The following CALD1 variants were observed in gnomAD, a reference collection of about 807,000 sequenced individuals.
CALD1 encodes caldesmon 1.
In CALD1, 33 loss-of-function variants were observed where a neutral mutation model predicts 99.9. The ratio of observed to expected loss-of-function variants is 0.33; its 90% CI spans 0.25 to 0.44. The LOEUF is 0.44. Among genes scored for constraint, CALD1 ranks in the 20% least tolerant of loss-of-function variants. The pLI is 1.00. For missense variants in CALD1, 861 were observed against 962.1 expected (o/e 0.89, Z 1.39); for synonymous variants, 310 against 325.0 (o/e 0.95, Z 0.50).
chr7:134,882,759 T>G (rs1801666125), intron 3 of CALD1, among the ~76,000 whole-genome samples: 1 of 152,230 alleles, frequency 6.6e-6, no homozygotes, highest in Non-Finnish European at 1.5e-5. Flanking sequence ...TACAATAGAA[T>G]GGAGTGTTTA....
chr7:134,935,997 G>A (rs1805941355), intron 6 of CALD1, among the ~76,000 whole-genome samples: 1 of 152,236 alleles, frequency 6.6e-6, no homozygotes, highest in African/African-American at 2.4e-5. Flanking sequence ...AGAGGGCATT[G>A]TAGGTAGTAA....
the CALD1 span, among the ~76,000 whole-genome samples, chr7:134,723,636 G>A: frequency 1.3e-5 from 2 of 150,072 alleles, no homozygotes; most frequent in Non-Finnish European, 3.0e-5. Context: ...CTCAAGTGGG[G>A]GTGATTTTGT....
intron 3 of CALD1, among the ~76,000 whole-genome samples, chr7:134,917,483 G>T (rs898163925): frequency 6.6e-6 from 1 of 151,966 alleles, no homozygotes. Context: ...TGAGTACCTG[G>T]GATTACAGGT....
intron 6 of CALD1, 57 bp downstream of exon 6, chr7:134,935,822 C>T: frequency 2.7e-6 from 4 of 1,506,502 alleles, no homozygotes; most frequent in Non-Finnish European, 3.6e-6. Context: ...GTCAGTGTTC[C>T]AAGATATCTC....
At chr7:134,800,716 A>C (rs1203955060) in intron 1 of CALD1, among the ~76,000 whole-genome samples, 1 of 152,068 alleles carries the variant, frequency 6.6e-6, no homozygotes, top group African/African-American at 2.4e-5. Flanking sequence ...GTTATTATGG[A>C]TTATGTACAG....
At chr7:134,890,280 C>A (rs1802088666) in intron 3 of CALD1, among the ~76,000 whole-genome samples, 2 of 152,110 alleles carry the variant, frequency 1.3e-5, no homozygotes, top group Non-Finnish European at 2.9e-5. Context: ...AAGTGGAGAC[C>A]ACTTAACCTA....
At chr7:134,720,814 T>C in the CALD1 span, among the ~76,000 whole-genome samples, 2 of 152,256 alleles carry the variant, frequency 1.3e-5, no homozygotes, top group Non-Finnish European at 2.9e-5. Context: ...TGTTGTCTGC[T>C]TTCAGTAGGA....
intron 6 of CALD1, among the ~76,000 whole-genome samples, chr7:134,936,319 C>T (rs1013667783): frequency 2.6e-4 from 40 of 152,150 alleles, no homozygotes; most frequent in African/African-American, 9.2e-4. Context: ...CACACAGGAG[C>T]GGGTGCCAGG....
intron 1 of CALD1, among the ~76,000 whole-genome samples, chr7:134,801,400 C>T (rs1157978974): frequency 6.6e-6 from 1 of 152,150 alleles, no homozygotes; most frequent in East Asian, 1.9e-4. Flanking sequence ...ACCCTTGCTT[C>T]TAGCATCTCA....
At chr7:134,952,307 A>G (rs981621491) in intron 9 of CALD1, among the ~76,000 whole-genome samples, 1 of 152,124 alleles carries the variant, frequency 6.6e-6, no homozygotes, top group Admixed American at 6.5e-5. Flanking sequence ...TCCCAAAAAA[A>G]AGAAAAAAAG....
intron 13 of CALD1, among the ~76,000 whole-genome samples, chr7:134,963,655 C>T (rs1176708016): frequency 1.3e-5 from 2 of 152,102 alleles, no homozygotes; most frequent in Non-Finnish European, 2.9e-5. Context: ...GATCCTTATC[C>T]AAATGAAATT....
upstream of CALD1, among the ~76,000 whole-genome samples, chr7:134,741,866 T>C (rs1347079199): frequency 6.6e-6 from 1 of 152,224 alleles, no homozygotes; most frequent in African/African-American, 2.4e-5. Context: ...AGGGTATTTA[T>C]TCAGCAAACA....
chr7:134,857,440 A>G (rs1352645941), intron 2 of CALD1, among the ~76,000 whole-genome samples: 1 of 151,678 alleles, frequency 6.6e-6, no homozygotes, highest in Non-Finnish European at 1.5e-5. Context: ...TACAAGCGTG[A>G]GCCACCGCGC....
At chr7:134,856,701 T>C (rs1176846376) in intron 2 of CALD1, among the ~76,000 whole-genome samples, 1 of 113,316 alleles carries the variant, frequency 8.8e-6, no homozygotes, top group African/African-American at 2.8e-5. Context: ...CTTCCTGAAA[T>C]CGAAATGTCT....
Position 134,915,189 on chromosome 7 carries a change from G to A in CALD1, c.72-13565G>A, listed in dbSNP as rs568240846. 6.7e-4 allele frequency among the ~76,000 whole-genome samples: 102 copies of A among 152,236 alleles called. 1 individual carries two copies. Among genetic ancestry groups the A allele is most frequent in the Non-Finnish European group, 4.9e-4 (33 of 68,008 alleles). On this transcript the variant is annotated intron_variant, in intron 3 of 14. Coordinates refer to ENST00000361675, the MANE Select transcript of CALD1 (RefSeq NM_033138.4). ...ACCTAGGCCCCCATGCCTCCTCCTC[G>A]GAACCTAGGCCTTCATGCAGCCCCC...
intron 1 of CALD1, among the ~76,000 whole-genome samples, chr7:134,780,872 A>G (rs1365786883): frequency 6.6e-6 from 1 of 152,242 alleles, no homozygotes; most frequent in Admixed American, 6.5e-5. Flanking sequence ...CTATATGGCA[A>G]GCAGGGTAAA....
At chr7:134,897,167 C>T (rs543908126) in intron 3 of CALD1, among the ~76,000 whole-genome samples, 3 of 152,080 alleles carry the variant, frequency 2.0e-5, no homozygotes, top group Non-Finnish European at 4.4e-5. Flanking sequence ...TTGAGGGTTT[C>T]GCATTCTAGT....
intron 2 of CALD1, among the ~76,000 whole-genome samples, chr7:134,844,858 A>G (rs1249398361): frequency 6.6e-6 from 1 of 152,130 alleles, no homozygotes; most frequent in Non-Finnish European, 1.5e-5. Flanking sequence ...TCTTCTTGTA[A>G]AAACACCAGT....
intron 3 of CALD1, among the ~76,000 whole-genome samples, chr7:134,881,995 G>A (rs1157030564): frequency 6.6e-6 from 1 of 152,186 alleles, no homozygotes; most frequent in African/African-American, 2.4e-5. Flanking sequence ...TTTTACATAT[G>A]TTAATTATTA....
Sources: gnomAD v4.1 joint callset for allele counts (sites outside exome capture counted in the v4.1 genomes callset) on GRCh38, gnomAD v4.1.1 for gene constraint, MANE v1.5 for transcripts, NCBI Gene and HGNC (gene_info 2026-07-23, HGNC 2026-07-21) for gene names.